The following AVL9 variants were observed in gnomAD, a reference collection of about 807,000 sequenced individuals.
AVL9 encodes the protein AVL9 cell migration associated.
A neutral mutation model predicts 79.2 loss-of-function variants in AVL9; 49 were observed. The ratio of observed to expected loss-of-function variants is 0.62; its 90% CI spans 0.49 to 0.79. The LOEUF (loss-of-function observed/expected upper bound fraction) is 0.79, where lower values mean the gene tolerates loss of function less well. Ranked by LOEUF, AVL9 falls within the 30% of genes least tolerant of loss-of-function variation. The pLI is 0.00. For synonymous variants in AVL9, 299 were observed against 280.6 expected, an observed-to-expected ratio of 1.07 and a Z score of -0.65; for missense variants, 682 against 776.8, an observed-to-expected ratio of 0.88 and a Z score of 1.45.
chr7:32,566,971 C>G (rs971153412), intron 10 of AVL9, among the ~76,000 whole-genome samples: 3 of 152,218 alleles, frequency 2.0e-5, no homozygotes, highest in Non-Finnish European at 4.4e-5. Context: ...AGTCTTAAAA[C>G]TTTTCTAAAG....
chr7:32,579,910 C>T (rs190497813), intron 13 of AVL9, among the ~76,000 whole-genome samples: 1 of 151,668 alleles, frequency 6.6e-6, no homozygotes, highest in African/African-American at 2.4e-5. Flanking sequence ...TGTTTGAGCC[C>T]CACCCAAGAC....
At chr7:32,542,979 C>A (rs924035674) in intron 1 of AVL9, among the ~76,000 whole-genome samples, 162 bp from the exon 2 acceptor site, 44 of 152,062 alleles carry the variant, frequency 2.9e-4, no homozygotes, top group Admixed American at 3.3e-4. Flanking sequence ...GCTTTTTTTC[C>A]CCCTCTTCCA....
chr7:32,530,743 T>A (rs1303747886), intron 1 of AVL9, among the ~76,000 whole-genome samples: 1 of 152,088 alleles, frequency 6.6e-6, no homozygotes, highest in Admixed American at 6.5e-5. Context: ...AGGTCAGGAG[T>A]TCGAGACCAG....
chr7:32,547,636 T>C (rs953188437), intron 3 of AVL9, among the ~76,000 whole-genome samples: 4 of 152,176 alleles, frequency 2.6e-5, no homozygotes, highest in Admixed American at 1.3e-4. Flanking sequence ...AGTTGCCCAT[T>C]TTCCCAGTGA....
Position 32,525,699 on chromosome 7 carries a change from A to G in AVL9, c.94-17442A>G, listed in dbSNP as rs184825768. On this transcript the variant is annotated intron_variant, in intron 1 of 15. Transcript: ENST00000318709. ...TATCTTTAGTTGGTGCCCTAATGGA[A>G]TAGGTTTATTTTTCTGCCCTGACAC... 7.3e-4 allele frequency among the ~76,000 whole-genome samples: 111 copies of G among 152,298 alleles called. 1 individual carries two copies. Among genetic ancestry groups the G allele is most frequent in the Non-Finnish European group, 1.3e-4 (9 of 68,018 alleles).
chr7:32,543,913 C>CA (rs1562777536), intron 2 of AVL9, among the ~76,000 whole-genome samples: 2 of 68,688 alleles, frequency 2.9e-5, no homozygotes, highest in African/African-American at 1.0e-4. Flanking sequence ...TTCTTTCTTT[C>CA]TTTTTTTTTT....
Position 32,559,310 on chromosome 7 carries a change from A to C in AVL9, c.1061A>C (p.Gln354Pro), listed in dbSNP as rs1790229276. 6.2e-7 allele frequency: 1 copy of C among 1,614,086 alleles called. No individual in the cohort carries two copies. Among genetic ancestry groups the C allele is most frequent in the South Asian group, 1.1e-5 (1 of 91,092 alleles). Reference protein sequence around the residue: ...LKEREQLGSDQTNLFPKDSVP... With the variant: ...LKEREQLGSDPTNLFPKDSVP... ...GAAAGGGAACAGCTGGGATCAGACC[A>C]GACAAATTTGTTTCCAAAGGACTCT... Residue 354 changes from glutamine to proline, a missense_variant, in exon 10 of 16, where the codon CAG (glutamine) becomes CCG (proline). Gln to Pro is a moderately conservative substitution (Grantham distance 76). Coordinates refer to ENST00000318709, the MANE Select transcript of AVL9 (RefSeq NM_015060.3).
chr7:32,506,178 T>G (rs942230449), intron 1 of AVL9, among the ~76,000 whole-genome samples: 19 of 152,150 alleles, frequency 1.2e-4, no homozygotes, highest in African/African-American at 4.6e-4. Flanking sequence ...TTTAAAATGT[T>G]TCGACTTTTT....
chr7:32,497,852 A>G (rs956662309), intron 1 of AVL9, among the ~76,000 whole-genome samples: 2 of 151,714 alleles, frequency 1.3e-5, no homozygotes, highest in Admixed American at 6.6e-5. Context: ...GGGGTTTCAC[A>G]ATGTTAGCCA....
intron 10 of AVL9, among the ~76,000 whole-genome samples, chr7:32,562,289 G>A (rs912568923): frequency 6.8e-6 from 1 of 147,594 alleles, no homozygotes; most frequent in African/African-American, 2.5e-5. Context: ...AAAGAAAAAA[G>A]CTTAGATGTC....
intron 1 of AVL9, among the ~76,000 whole-genome samples, chr7:32,500,149 A>G (rs894880216): frequency 6.6e-6 from 1 of 152,180 alleles, no homozygotes; most frequent in Non-Finnish European, 1.5e-5. Flanking sequence ...TTCTGGTTCT[A>G]GATCCTTGAG....
In AVL9 at chr7:32,577,013, T is replaced by C. The variant is rs116720129; in HGVS notation, c.1688+941T>C. 1.9e-3 allele frequency among the ~76,000 whole-genome samples: 289 copies of C among 152,224 alleles called. 2 individuals are homozygous for C. The highest frequency in any genetic ancestry group is 6.8e-3 in the African/African-American group (283 of 41,554). ...GAGCATTGAAGGAGATCAGTTGATA[T>C]AGTGTATACAGGAACTTGTTTTCTA... On this transcript the variant is annotated intron_variant, in intron 13 of 15. Coordinates refer to ENST00000318709, the MANE Select transcript of AVL9 (RefSeq NM_015060.3).
In AVL9 at chr7:32,545,776, G is replaced by GT. The variant is rs58952222; in HGVS notation, c.300+1005dup. On this transcript the variant is annotated intron_variant, in intron 3 of 15. Transcript: ENST00000318709. Reference sequence around the variant, plus strand: ...TCATGGTTTGCTTATGTGTAGCACTGTTTTTTTTGTGGTGGGGATAATCTT... The same window carrying GT: ...TCATGGTTTGCTTATGTGTAGCACTGTTTTTTTTTGTGGTGGGGATAATCTT... 1.3e-3 allele frequency among the ~76,000 whole-genome samples: 197 copies of GT among 152,082 alleles called. 2 individuals carry two copies. The highest frequency in any genetic ancestry group is 4.7e-3 in the African/African-American group (194 of 41,492).
In AVL9 at chr7:32,558,154, A is replaced by G. The variant is rs1040219298; in HGVS notation, c.610-405A>G. Among the ~76,000 whole-genome samples, 3 of 148,748 alleles carry G rather than the reference A, an allele frequency of 2.0e-5. No homozygotes were observed. In the East Asian group the frequency reaches 6.0e-4, roughly 30 times the overall value. ...CAGGTGTGAGCCAGCCACCAAGCCCAGCAGCTGTTATTCTTCTTTTTATGA... is the reference window on the plus strand; with the variant it reads ...CAGGTGTGAGCCAGCCACCAAGCCCGGCAGCTGTTATTCTTCTTTTTATGA... On this transcript the variant is annotated intron_variant, in intron 8 of 15. Transcript: ENST00000318709.
At chr7:32,531,189 G>A (rs935282772) in intron 1 of AVL9, among the ~76,000 whole-genome samples, 2 of 152,094 alleles carry the variant, frequency 1.3e-5, no homozygotes, top group Admixed American at 6.5e-5. Context: ...AGGGTGTAAC[G>A]CATTTTTTGG....
chr7:32,559,040 C>T lies in AVL9; in HGVS notation c.791C>T (p.Ala264Val), dbSNP rs751712219. The change falls in exon 10 of 16, where the codon GCA (alanine) becomes GTA (valine). Residue 264 changes from alanine to valine, a missense_variant. Physicochemically the swap from Ala to Val is moderately conservative, Grantham distance 64. Transcript: ENST00000318709. The part of the protein sequence containing the change: ...SNPCADDFVS[A>V]STADVSHTNL... ...CCATGTGCAGATGATTTTGTTTCTG[C>T]ATCCACTGCTGATGTTTCACATACC... The T allele has an allele frequency of 2.1e-5, 34 of 1,613,978 alleles. No individual in the cohort carries two copies. The highest frequency in any genetic ancestry group is 2.5e-5 in the Non-Finnish European group (30 of 1,180,006).
In AVL9 at chr7:32,552,249, T is replaced by C; in HGVS notation, c.483T>C (p.Asn161=). Residue 161 remains asparagine (N), a synonymous_variant, in exon 6 of 16, where the codon AAT becomes AAC. Transcript: ENST00000318709. ...TATAGGAGCTTTATGAACATATGAA[T>C]AGTTCCTTGGGAGGTGCTTCATTAG... is the stretch of plus-strand genomic sequence containing the variant. ...SILKELYEHM[N]SSLGGASLEG... 1 of 1,600,886 alleles carries C rather than the reference T, an allele frequency of 6.2e-7. No homozygotes were observed. Among genetic ancestry groups the C allele is most frequent in the Non-Finnish European group, 8.6e-7 (1 of 1,168,998 alleles).
At chr7:32,499,669 G>A (rs1005974398) in intron 1 of AVL9, among the ~76,000 whole-genome samples, 1 of 152,028 alleles carries the variant, frequency 6.6e-6, no homozygotes, top group Non-Finnish European at 1.5e-5. Flanking sequence ...ATGGTGGTTT[G>A]CTGCATCCAT....
At chr7:32,531,965 C>T (rs1344858611) in intron 1 of AVL9, 2 of 152,274 alleles carry the variant, frequency 1.3e-5, no homozygotes, top group African/African-American at 4.8e-5. Context: ...TGTCCTCCAC[C>T]AGGGCAGTGT....
Sources: gnomAD v4.1 joint callset for allele counts (sites outside exome capture counted in the v4.1 genomes callset) on GRCh38, gnomAD v4.1.1 for gene constraint, MANE v1.5 for transcripts, NCBI Gene and HGNC (gene_info 2026-07-23, HGNC 2026-07-21) for gene names.